HPSE2: variants seen among roughly 807,000 people sequenced by gnomAD.
HPSE2 encodes inactive heparanase-2.
In HPSE2, 38 loss-of-function variants were observed where a neutral mutation model predicts 60.5. That is an observed-to-expected ratio of 0.63 (90% CI 0.48 to 0.82). HPSE2 has a LOEUF of 0.82. HPSE2 is among the 40% of genes least tolerant of loss of function. The pLI is 0.00. For missense variants in HPSE2, 713 were observed against 740.4 expected (o/e 0.96, Z 0.43); for synonymous variants, 295 against 293.2 (o/e 1.01, Z -0.06).
At chr10:98,700,199 C>G (rs1948364265) in intron 5 of HPSE2, among the ~76,000 whole-genome samples, 1 of 151,678 alleles carries the variant, frequency 6.6e-6, no homozygotes, top group South Asian at 2.1e-4. Flanking sequence ...AATCCTAAGC[C>G]AAAAGAATAA....
At chr10:98,966,997 G>T (rs987763298) in intron 3 of HPSE2, among the ~76,000 whole-genome samples, 4 of 152,148 alleles carry the variant, frequency 2.6e-5, no homozygotes, top group Admixed American at 1.3e-4. Flanking sequence ...AGGGCTTTAT[G>T]TTATGAAGAT....
chr10:98,743,331 A>T (rs1453623728), intron 4 of HPSE2, among the ~76,000 whole-genome samples: 5 of 152,058 alleles, frequency 3.3e-5, no homozygotes, highest in African/African-American at 1.2e-4. Context: ...CACCCTTGAA[A>T]CTAGCCTCGG....
chr10:98,871,186 A>G (rs1430637491), intron 3 of HPSE2, among the ~76,000 whole-genome samples: 3 of 152,074 alleles, frequency 2.0e-5, no homozygotes, highest in Non-Finnish European at 4.4e-5. Context: ...TGGATGAAAA[A>G]CACCTAATAT....
intron 3 of HPSE2, among the ~76,000 whole-genome samples, chr10:98,962,328 T>C (rs1437737457): frequency 6.8e-6 from 1 of 147,268 alleles, no homozygotes; most frequent in Non-Finnish European, 1.5e-5. Flanking sequence ...GTAAATTACC[T>C]TGGGCAGTAT....
chr10:99,252,282 C>T, the HPSE2 span, among the ~76,000 whole-genome samples: 2 of 152,110 alleles, frequency 1.3e-5, no homozygotes, highest in Non-Finnish European at 2.9e-5. Flanking sequence ...ATTCTCAGCA[C>T]TCATTCTTCA....
chr10:98,983,034 G>A (rs181275526), intron 3 of HPSE2, among the ~76,000 whole-genome samples: 1 of 152,168 alleles, frequency 6.6e-6, no homozygotes, highest in East Asian at 1.9e-4. Context: ...ATATTTACTG[G>A]CTACTATTAA....
At chr10:99,051,115 A>G (rs533358240) in intron 3 of HPSE2, among the ~76,000 whole-genome samples, 1 of 152,260 alleles carries the variant, frequency 6.6e-6, no homozygotes, top group Non-Finnish European at 1.5e-5. Context: ...TGCTAAAAAG[A>G]CAGAAAAATA....
intron 2 of HPSE2, among the ~76,000 whole-genome samples, chr10:99,227,895 A>G (rs948228090): frequency 5.3e-4 from 76 of 143,584 alleles, no homozygotes; most frequent in East Asian, 1.5e-3. Flanking sequence ...GTGTGTGTGT[A>G]TATACATATA....
At chr10:99,245,072 A>G in the HPSE2 span, among the ~76,000 whole-genome samples, 9 of 152,210 alleles carry the variant, frequency 5.9e-5, no homozygotes, top group Admixed American at 5.2e-4. Context: ...AGACACTTAA[A>G]TTTTAAATTC....
At chr10:98,778,381 G>A (rs1950394259) in intron 3 of HPSE2, among the ~76,000 whole-genome samples, 1 of 151,772 alleles carries the variant, frequency 6.6e-6, no homozygotes, top group Non-Finnish European at 1.5e-5. Flanking sequence ...GCTCTAACTG[G>A]TGGGTTTAGA....
chr10:98,820,870 T>TGTAGAAACC (rs1951408469), intron 3 of HPSE2, among the ~76,000 whole-genome samples: 1 of 152,224 alleles, frequency 6.6e-6, no homozygotes. Flanking sequence ...GTAGAAGCTT[T>TGTAGAAACC]GTAGAAACCG....
At chr10:98,630,300 C>T (rs1469088195) in intron 7 of HPSE2, among the ~76,000 whole-genome samples, 1 of 151,774 alleles carries the variant, frequency 6.6e-6, no homozygotes, top group Admixed American at 6.6e-5. Context: ...CAGGTTCACG[C>T]CATTCTTCTG....
intron 9 of HPSE2, among the ~76,000 whole-genome samples, chr10:98,542,504 A>G (rs928476921): frequency 6.6e-6 from 1 of 152,052 alleles, no homozygotes; most frequent in African/African-American, 2.4e-5. Context: ...CTGAGAGAAG[A>G]AGGCTTCAGA....
chr10:99,104,142 A>T (rs1844139080), intron 3 of HPSE2, among the ~76,000 whole-genome samples: 2 of 152,230 alleles, frequency 1.3e-5, no homozygotes, highest in South Asian at 4.1e-4. Context: ...ATGGGATCTA[A>T]TTAAACTCAA....
chr10:98,972,257 G>A (rs1018035567), intron 3 of HPSE2, among the ~76,000 whole-genome samples: 1 of 151,436 alleles, frequency 6.6e-6, no homozygotes, highest in African/African-American at 2.4e-5. Flanking sequence ...TATTCTTGTT[G>A]ATTCTAGGCA....
chr10:99,018,725 T>C (rs1564741239), intron 3 of HPSE2, among the ~76,000 whole-genome samples: 1 of 152,060 alleles, frequency 6.6e-6, no homozygotes, highest in Non-Finnish European at 1.5e-5. Context: ...ATATCTTCAA[T>C]ACAAAGAAAA....
chr10:98,507,736 C>T (rs1185469452), intron 9 of HPSE2, among the ~76,000 whole-genome samples: 1 of 152,102 alleles, frequency 6.6e-6, no homozygotes, highest in African/African-American at 2.4e-5. Context: ...TCCATGCTCA[C>T]CTCCTTCCTC....
rs765943631 is a variant in HPSE2, at chr10:98,743,937, G to T, written c.730C>A (p.Leu244Met). 6.2e-7 allele frequency: 1 copy of T among 1,614,010 alleles called. No homozygotes were observed. The highest frequency in any genetic ancestry group is 2.2e-5 in the East Asian group (1 of 44,860). The change falls in exon 4 of 12, where the codon CTG becomes ATG. Residue 244 changes from leucine to methionine, a missense_variant. Coordinates refer to ENST00000370552, the MANE Select transcript of HPSE2 (RefSeq NM_021828.5). The part of the protein sequence containing the change: ...NSWNSSSALS[L>M]LKYSASKKYN... ...TTTTTGCTGGCGCTGTACTTCAACA[G>T]ACTCAGGGCACTAGAACTGTTCCAG... is the stretch of plus-strand genomic sequence containing the variant.
chr10:98,539,365 TACA>T (rs1251971594), intron 9 of HPSE2, among the ~76,000 whole-genome samples: 3 of 151,972 alleles, frequency 2.0e-5, no homozygotes, highest in African/African-American at 7.2e-5. Flanking sequence ...CTACTAAAAA[TACA>T]ACATTAGCCG....
Sources: allele counts gnomAD v4.1 joint callset (sites outside exome capture counted in the v4.1 genomes callset), GRCh38; gene constraint gnomAD v4.1.1; transcripts MANE v1.5; gene names NCBI Gene and HGNC (gene_info 2026-07-23, HGNC 2026-07-21).